The following ARHGEF10 variants were observed in gnomAD, a reference collection of about 807,000 sequenced individuals.
ARHGEF10 encodes the protein Rho guanine nucleotide exchange factor (GEF) 10.
A neutral mutation model predicts 147.4 loss-of-function variants in ARHGEF10; 140 were observed. The observed-to-expected ratio is 0.95, with a 90% CI of 0.83 to 1.09. ARHGEF10 has a LOEUF of 1.09. Among genes scored for constraint, ARHGEF10 ranks in the 50% least tolerant of loss-of-function variants. The pLI is 0.00. For missense variants in ARHGEF10, 2,222 were observed against 1,752.7 expected (o/e 1.27, Z -4.78); for synonymous variants, 902 against 695.8 (o/e 1.30, Z -4.67).
At chr8:1,869,296 C>A in intron 7 of ARHGEF10, 46 bp downstream of exon 7, 1 of 1,543,672 alleles carries the variant, frequency 6.5e-7, no homozygotes, top group Non-Finnish European at 9.0e-7. Context: ...AGCTCAGCAG[C>A]CTTTCCCTCT....
intron 11 of ARHGEF10, among the ~76,000 whole-genome samples, chr8:1,886,038 CACAGAG>C (rs757810121): frequency 3.9e-5 from 6 of 152,180 alleles, no homozygotes; most frequent in Non-Finnish European, 8.8e-5. Context: ...TTTTTACTTT[CACAGAG>C]ACAGAGTGTG....
intron 1 of ARHGEF10, among the ~76,000 whole-genome samples, chr8:1,833,068 A>G (rs796350319): frequency 6.2e-5 from 3 of 48,192 alleles, no homozygotes; most frequent in Non-Finnish European, 8.7e-5. Context: ...AGAGACAGAG[A>G]CAGAGGCAGA....
At chr8:1,863,413 T>C (rs1163899362) in intron 4 of ARHGEF10, among the ~76,000 whole-genome samples, 1 of 152,238 alleles carries the variant, frequency 6.6e-6, no homozygotes, top group Admixed American at 6.5e-5. Flanking sequence ...AGCCAACTGC[T>C]GCGGTTTGAA....
At chr8:1,893,488 C>A in intron 11 of ARHGEF10, 81 bp from the exon 12 acceptor site, 1 of 927,096 alleles carries the variant, frequency 1.1e-6, no homozygotes, top group Non-Finnish European at 1.8e-6. Flanking sequence ...TACTTATCAG[C>A]AAGCCTCAGC....
At chr8:1,857,426 T>C (rs984853868) in intron 2 of ARHGEF10, among the ~76,000 whole-genome samples, 4 of 151,096 alleles carry the variant, frequency 2.6e-5, no homozygotes, top group Non-Finnish European at 4.4e-5. Flanking sequence ...TCTTTTCTTT[T>C]TTTTTTTTTT....
intron 18 of ARHGEF10, among the ~76,000 whole-genome samples, chr8:1,916,575 T>G (rs1811776569): frequency 6.6e-6 from 1 of 152,180 alleles, no homozygotes; most frequent in Non-Finnish European, 1.5e-5. Flanking sequence ...GGCCTTGCGC[T>G]GGGAGGAGCT....
intron 25 of ARHGEF10, among the ~76,000 whole-genome samples, chr8:1,929,843 G>T (rs375508453): frequency 6.6e-6 from 1 of 151,800 alleles, no homozygotes; most frequent in Admixed American, 6.5e-5. Flanking sequence ...CCTCGGTCCC[G>T]TGCCCTCGGT....
chr8:1,880,347 C>G (rs1199458138), intron 9 of ARHGEF10, among the ~76,000 whole-genome samples, 183 bp downstream of exon 9: 2 of 152,228 alleles, frequency 1.3e-5, no homozygotes, highest in Non-Finnish European at 2.9e-5. Context: ...TTCACTGTCT[C>G]CCTCTTACGG....
rs1027692628 is a variant in ARHGEF10 at position 1,860,148 on chromosome 8, C to T, written c.445C>T (p.Pro149Ser). Residue 149 changes from proline (P) to serine (S), a missense_variant, in exon 4 of 29, where the codon CCG becomes TCG. Pro to Ser is a moderately conservative substitution (Grantham distance 74). Coordinates refer to ENST00000349830, the MANE Select transcript of ARHGEF10 (RefSeq NM_014629.4). ...LPLLLPAYSS[P>S]VIICATSLDE... ...CCTCCTGCTGCCCGCCTACTCCAGC[C>T]CGGTCATCATCTGCGCCACGTCCCT... 12 of 1,613,744 alleles carry T rather than the reference C, an allele frequency of 7.4e-6. No individual in the cohort carries two copies. Among genetic ancestry groups the T allele is most frequent in the African/African-American group, 2.7e-5 (2 of 74,908 alleles).
At chr8:1,880,695 C>T (rs886331912) in intron 9 of ARHGEF10, among the ~76,000 whole-genome samples, 4 of 152,176 alleles carry the variant, frequency 2.6e-5, no homozygotes, top group Non-Finnish European at 4.4e-5. Flanking sequence ...TGCTTGAGAA[C>T]TGCCGGACCT....
At chr8:1,828,794 T>C (rs1472179699) in intron 1 of ARHGEF10, among the ~76,000 whole-genome samples, 1 of 152,258 alleles carries the variant, frequency 6.6e-6, no homozygotes, top group Non-Finnish European at 1.5e-5. Flanking sequence ...AGGAATTACA[T>C]TTTGATAAAC....
intron 18 of ARHGEF10, among the ~76,000 whole-genome samples, chr8:1,914,706 G>T (rs1811625404): frequency 6.6e-6 from 1 of 152,224 alleles, no homozygotes; most frequent in African/African-American, 2.4e-5. Context: ...TGCGTCATCT[G>T]AACGTTGTAC....
At chr8:1,890,294 T>G (rs1809386189) in intron 11 of ARHGEF10, among the ~76,000 whole-genome samples, 1 of 145,910 alleles carries the variant, frequency 6.9e-6, no homozygotes, top group Admixed American at 6.8e-5. Context: ...GTGAGGGTTC[T>G]GAGGAGACAC....
intron 8 of ARHGEF10, 57 bp downstream of exon 8, chr8:1,876,791 G>A: frequency 1.3e-6 from 2 of 1,579,440 alleles, no homozygotes; most frequent in East Asian, 2.2e-5. Flanking sequence ...CGGACAGGGG[G>A]CTGTGAATAT....
rs1294774317 is a variant in ARHGEF10, at chr8:1,903,439, A to G, written c.1809A>G (p.Arg603=). 5.6e-6 allele frequency: 9 copies of G among 1,614,078 alleles called. No individual in the cohort carries two copies. Among genetic ancestry groups the G allele is most frequent in the Non-Finnish European group, 7.6e-6 (9 of 1,180,054 alleles). Reference sequence around the variant, plus strand: ...AAATAGCCAAAGCCATAAACGAAAGATACCTGAACAAGGTTGAGAGAGGTT... The same window carrying G: ...AAATAGCCAAAGCCATAAACGAAAGGTACCTGAACAAGGTTGAGAGAGGTT... ...VKQIAKAINE[R]YLNKLLSSGS... Residue 603 remains arginine, a synonymous_variant, in exon 16 of 29, where the codon AGA becomes AGG. Transcript: ENST00000349830.
Position 1,833,051 on chromosome 8 carries a change from G to A in ARHGEF10, c.-48+8938G>A, listed in dbSNP as rs1585206570. On this transcript the variant is annotated intron_variant, in intron 1 of 28. Coordinates refer to ENST00000349830, the MANE Select transcript of ARHGEF10 (RefSeq NM_014629.4). ...ACAGGCAGAGAGAGACAGAGACAGA[G>A]GCAGAGAGAGACAGAGACAGAGGCA... 2.6e-5 allele frequency among the ~76,000 whole-genome samples: 2 copies of A among 76,894 alleles called. 1 individual carries two copies. Among genetic ancestry groups the A allele is most frequent in the Non-Finnish European group, 5.4e-5 (2 of 36,840 alleles). 50.4% of individuals were successfully genotyped at this position (76,894 alleles called of 152,430 possible).
intron 1 of ARHGEF10, among the ~76,000 whole-genome samples, chr8:1,835,028 G>A (rs1803495685): frequency 6.6e-6 from 1 of 152,268 alleles, no homozygotes; most frequent in Admixed American, 6.5e-5. Context: ...AACGCTCTGA[G>A]CTCGGCTCGG....
intron 2 of ARHGEF10, among the ~76,000 whole-genome samples, chr8:1,850,508 G>A (rs1196924048): frequency 6.8e-6 from 1 of 147,638 alleles, no homozygotes; most frequent in African/African-American, 2.5e-5. Context: ...GGCCACCCGC[G>A]TGGACACAGA....
chr8:1,882,193 G>A (rs1474948811), intron 9 of ARHGEF10, among the ~76,000 whole-genome samples: 1 of 152,236 alleles, frequency 6.6e-6, no homozygotes, highest in Non-Finnish European at 1.5e-5. Context: ...ATGCGTGTGA[G>A]GCGGCCCTGT....
Sources: gnomAD v4.1 joint callset for allele counts (sites outside exome capture counted in the v4.1 genomes callset) on GRCh38, gnomAD v4.1.1 for gene constraint, MANE v1.5 for transcripts, NCBI Gene and HGNC (gene_info 2026-07-23, HGNC 2026-07-21) for gene names.